Variants in GABBR2 observed in about 807,000 individuals in gnomAD.
GABBR2 encodes the protein G-protein coupled receptor 51.
In GABBR2, 23 loss-of-function variants were observed where a neutral mutation model predicts 105.6. The observed-to-expected ratio is 0.22, with a 90% CI of 0.16 to 0.31. The LOEUF is 0.31. Ranked by LOEUF, GABBR2 falls within the 10% of genes least tolerant of loss-of-function variation. The probability of loss-of-function intolerance (pLI) is 1.00; values close to 1 mark genes in which losing one functional copy is unlikely to be tolerated. For missense variants in GABBR2, 734 were observed against 1,245.5 expected (o/e 0.59, Z 6.18); for synonymous variants, 478 against 499.7 (o/e 0.96, Z 0.58).
At position 98,684,169 on chromosome 9, in the gene GABBR2, T is replaced by TTAAAAAAAAAAAAA. The variant is rs376323708; in HGVS notation, c.321+24247_321+24248insTTTTTTTTTTTTTA. Among the ~76,000 whole-genome samples, 57 of 66,134 alleles carry TTAAAAAAAAAAAAA rather than the reference T, an allele frequency of 8.6e-4. 17 individuals carry two copies. The highest frequency in any genetic ancestry group is 4.8e-3 in the East Asian group (9 of 1,890). 43.4% of individuals were successfully genotyped at this position (66,134 alleles called of 152,430 possible). The stretch of plus-strand genomic sequence containing the variant: ...AAAAGAAGAATGCATTTTACCACGG[T>TTAAAAAAAAAAAAA]AAAAAAAAAAAAAAAAAAAAAAAAA... On this transcript the variant is annotated intron_variant, in intron 1 of 18. Transcript: ENST00000259455.
chr9:98,458,123 C>T (rs1167136124), intron 6 of GABBR2, among the ~76,000 whole-genome samples: 1 of 152,204 alleles, frequency 6.6e-6, no homozygotes, highest in South Asian at 2.1e-4. Context: ...AGCTTGCTAA[C>T]CTACAATGTG....
At chr9:98,459,199 C>T (rs1588172196) in intron 6 of GABBR2, among the ~76,000 whole-genome samples, 1 of 152,172 alleles carries the variant, frequency 6.6e-6, no homozygotes, top group East Asian at 1.9e-4. Context: ...AATCTCAGTT[C>T]AGACTTCCAC....
intron 2 of GABBR2, among the ~76,000 whole-genome samples, chr9:98,575,871 C>T (rs777611932): frequency 6.6e-6 from 1 of 152,186 alleles, no homozygotes; most frequent in Non-Finnish European, 1.5e-5. Flanking sequence ...CTCAGCACTC[C>T]CCAAGCCCAC....
rs756478735 is a variant in GABBR2, at chr9:98,588,990, C to T, written c.322-10918G>A. Among the ~76,000 whole-genome samples, 70 of 152,336 alleles carry T rather than the reference C, an allele frequency of 4.6e-4. 1 individual carries two copies. The highest frequency in any genetic ancestry group is 7.5e-4 in the Non-Finnish European group (51 of 68,026). On this transcript the variant is annotated intron_variant, in intron 1 of 18. Transcript: ENST00000259455. ...ACGAGAGAAACCATCCCAAGGAGGGCAGTCTCACGAGCTGACAGCCTCCAG... is the reference window on the plus strand; with the variant it reads ...ACGAGAGAAACCATCCCAAGGAGGGTAGTCTCACGAGCTGACAGCCTCCAG...
intron 3 of GABBR2, among the ~76,000 whole-genome samples, chr9:98,499,121 A>T (rs1015203237): frequency 6.6e-6 from 1 of 152,192 alleles, no homozygotes; most frequent in Admixed American, 6.5e-5. Flanking sequence ...TGGCTTTGTA[A>T]ACTCTAAAGT....
intron 11 of GABBR2, among the ~76,000 whole-genome samples, chr9:98,384,030 A>T (rs1176232441): frequency 6.6e-6 from 1 of 152,230 alleles, no homozygotes; most frequent in Admixed American, 6.5e-5. Context: ...AAGGGCCCAC[A>T]GTGCTCTCAA....
At chr9:98,690,288 C>T (rs1290910596) in intron 1 of GABBR2, among the ~76,000 whole-genome samples, 1 of 152,210 alleles carries the variant, frequency 6.6e-6, no homozygotes, top group Non-Finnish European at 1.5e-5. Flanking sequence ...ATTTCAGGAA[C>T]CAGGACCAAG....
intron 7 of GABBR2, among the ~76,000 whole-genome samples, chr9:98,429,516 G>C (rs549993887): frequency 6.6e-6 from 1 of 152,120 alleles, no homozygotes; most frequent in Admixed American, 6.6e-5. Context: ...ACCTCGCTAC[G>C]TACATGCCTT....
chr9:98,546,341 T>C (rs758526827), intron 2 of GABBR2, among the ~76,000 whole-genome samples: 4 of 152,250 alleles, frequency 2.6e-5, no homozygotes, highest in Non-Finnish European at 4.4e-5. Context: ...CTATTGTCTC[T>C]GACCATTTCT....
intron 7 of GABBR2, among the ~76,000 whole-genome samples, chr9:98,429,604 G>T (rs1306772430): frequency 1.3e-5 from 2 of 152,260 alleles, no homozygotes; most frequent in South Asian, 2.1e-4. Context: ...AGCAAACAAG[G>T]CATGGTGGTT....
chr9:98,659,526 C>CTTTTCT (rs1830228845), intron 1 of GABBR2, among the ~76,000 whole-genome samples: 2 of 35,190 alleles, frequency 5.7e-5, no homozygotes, highest in African/African-American at 1.8e-4. Context: ...CTTTTCTTTT[C>CTTTTCT]TTTTTTTTTT....
chr9:98,687,447 G>T (rs1167697552), intron 1 of GABBR2, among the ~76,000 whole-genome samples: 2 of 152,116 alleles, frequency 1.3e-5, no homozygotes, highest in East Asian at 3.9e-4. Context: ...TGACTTAGCA[G>T]GATTCTTGCT....
chr9:98,310,149 A>T (rs1292868703), intron 14 of GABBR2, among the ~76,000 whole-genome samples: 2 of 152,168 alleles, frequency 1.3e-5, no homozygotes, highest in African/African-American at 4.8e-5. Flanking sequence ...AGGATATAGG[A>T]GAGAAGATTC....
At position 98,708,458 on chromosome 9, in the gene GABBR2, G is replaced by A. The variant is rs1830931550; in HGVS notation, c.280C>T (p.Leu94=). 1 of 1,573,954 alleles carries A rather than the reference G, an allele frequency of 6.4e-7. No individual in the cohort carries two copies. The change falls in exon 1 of 19, where the codon CTG becomes TTG. Residue 94 remains leucine (L), a synonymous_variant. Coordinates refer to ENST00000259455, the MANE Select transcript of GABBR2 (RefSeq NM_005458.8). ...CGCAGGTCGAGGAAGTAGGGGCGCA[G>A]GAGTGACTCGTTGCGGATCTGCTCG... ...AIEQIRNESL[L]RPYFLDLRLY...
intron 8 of GABBR2, among the ~76,000 whole-genome samples, chr9:98,403,389 CAG>C (rs34342887): frequency 0.23 from 35,216 of 151,032 alleles, 5,311 homozygotes; most frequent in Admixed American, 0.45. Context: ...GACACAAATG[CAG>C]AGAGGGTGAG....
intron 7 of GABBR2, among the ~76,000 whole-genome samples, chr9:98,428,557 G>C (rs1039625358): frequency 2.0e-5 from 3 of 152,184 alleles, no homozygotes; most frequent in African/African-American, 7.2e-5. Flanking sequence ...AACACAGAGA[G>C]ACCCACTTGG....
chr9:98,692,589 A>G (rs1181125821), intron 1 of GABBR2, among the ~76,000 whole-genome samples: 1 of 152,140 alleles, frequency 6.6e-6, no homozygotes, highest in Non-Finnish European at 1.5e-5. Context: ...AAACAGCAGG[A>G]CCACAGACCC....
rs147672996 is a variant in GABBR2 at position 98,675,517 on chromosome 9, A to C, written c.321+32900T>G. On this transcript the variant is annotated intron_variant, in intron 1 of 18. Coordinates refer to ENST00000259455, the MANE Select transcript of GABBR2 (RefSeq NM_005458.8). ...AAAGCCCTCAGCTTGTGTGATCAGC[A>C]TGAGGACAGTTCTGGAAAACTAGGA... 2.1e-3 allele frequency among the ~76,000 whole-genome samples: 327 copies of C among 152,334 alleles called. 4 individuals are homozygous for C. The highest frequency in any genetic ancestry group is 7.6e-3 in the African/African-American group (318 of 41,574).
At chr9:98,304,036 C>G (rs1023602688) in intron 15 of GABBR2, 6 of 152,404 alleles carry the variant, frequency 3.9e-5, no homozygotes, top group African/African-American at 1.4e-4. Context: ...AGAAACATCT[C>G]CGGTCGAAGC....
Sources: allele counts gnomAD v4.1 joint callset (sites outside exome capture counted in the v4.1 genomes callset), GRCh38; gene constraint gnomAD v4.1.1; transcripts MANE v1.5; gene names NCBI Gene and HGNC (gene_info 2026-07-23, HGNC 2026-07-21).